Variants in XKR9 observed in about 807,000 individuals in gnomAD.
XKR9 encodes the protein XK-related protein 9.
A neutral mutation model predicts 32.0 loss-of-function variants in XKR9; 32 were observed. The ratio of observed to expected loss-of-function variants is 1.00; its 90% CI spans 0.76 to 1.34. The LOEUF (loss-of-function observed/expected upper bound fraction) is 1.34. Among genes scored for constraint, XKR9 ranks in the 40% most tolerant of loss-of-function variants. XKR9 has a pLI of 0.00. For missense variants in XKR9, 546 were observed against 429.7 expected (o/e 1.27, Z -2.39); for synonymous variants, 168 against 143.4 (o/e 1.17, Z -1.22).
At chr8:70,973,381 A>G in the XKR9 span, among the ~76,000 whole-genome samples, 2 of 152,010 alleles carry the variant, frequency 1.3e-5, no homozygotes, top group South Asian at 2.1e-4. Context: ...CTAGTGCTCT[A>G]TCAATTTTAT....
At chr8:70,828,552 C>T in the XKR9 span, among the ~76,000 whole-genome samples, 3 of 151,726 alleles carry the variant, frequency 2.0e-5, no homozygotes, top group Non-Finnish European at 2.9e-5. Flanking sequence ...GGTGAAACCC[C>T]GTCTCTACTA....
At chr8:70,844,032 C>T in the XKR9 span, among the ~76,000 whole-genome samples, 5 of 152,228 alleles carry the variant, frequency 3.3e-5, no homozygotes, top group African/African-American at 1.2e-4. Context: ...CTAGTACAAA[C>T]TTGTCTGTGC....
At chr8:70,967,734 T>G in the XKR9 span, among the ~76,000 whole-genome samples, 1 of 152,128 alleles carries the variant, frequency 6.6e-6, no homozygotes, top group Non-Finnish European at 1.5e-5. Flanking sequence ...GTTGCAATTT[T>G]TTTTTTTTAA....
chr8:70,805,459 G>T, the XKR9 span, among the ~76,000 whole-genome samples: 1 of 152,232 alleles, frequency 6.6e-6, no homozygotes, highest in Non-Finnish European at 1.5e-5. Flanking sequence ...CTCCTTGGGG[G>T]AAGGGCAGAA....
chr8:70,926,710 C>T, the XKR9 span, among the ~76,000 whole-genome samples: 1 of 152,130 alleles, frequency 6.6e-6, no homozygotes, highest in African/African-American at 2.4e-5. Context: ...ATTTTCTCCT[C>T]TTTGGTATGG....
intron 4 of XKR9, among the ~76,000 whole-genome samples, chr8:70,730,676 C>T (rs1456358707): frequency 6.6e-6 from 1 of 151,886 alleles, no homozygotes; most frequent in Non-Finnish European, 1.5e-5. Flanking sequence ...GGGAAGAAAA[C>T]CTTAATCTGT....
chr8:70,912,333 GAGA>G, the XKR9 span, among the ~76,000 whole-genome samples: 1 of 152,180 alleles, frequency 6.6e-6, no homozygotes, highest in South Asian at 2.1e-4. Context: ...CAGAAGATGG[GAGA>G]AGAACTGTAG....
rs191670652 is a variant in XKR9, at chr8:70,789,271, G to A, written n.353-68G>A. On this transcript the variant is annotated intron_variant and non_coding_transcript_variant, in intron 2 of 3. Coordinates refer to the XKR9 transcript ENST00000520273. ...TTCAATTCTTTAGAATTAAGGCCTA[G>A]GAGACCACGAAGAATATGTTAGAAA... 4.3e-4 allele frequency: 66 copies of A among 152,070 alleles called. 1 individual carries two copies. Among genetic ancestry groups the A allele is most frequent in the African/African-American group, 1.4e-3 (59 of 41,532 alleles). 9.4% of individuals were successfully genotyped at this position (152,070 alleles called of 1,614,324 possible).
At chr8:70,800,039 A>G in the XKR9 span, among the ~76,000 whole-genome samples, 2 of 152,182 alleles carry the variant, frequency 1.3e-5, no homozygotes, top group South Asian at 4.1e-4. Flanking sequence ...TGTTCCCTCA[A>G]TACCTAATTT....
chr8:70,910,053 A>G, the XKR9 span, among the ~76,000 whole-genome samples: 2 of 151,888 alleles, frequency 1.3e-5, no homozygotes, highest in African/African-American at 2.4e-5. Flanking sequence ...TTTGATGTAT[A>G]GTAGGTGCTC....
At chr8:70,921,971 G>A in the XKR9 span, among the ~76,000 whole-genome samples, 1 of 152,172 alleles carries the variant, frequency 6.6e-6, no homozygotes, top group Non-Finnish European at 1.5e-5. Flanking sequence ...TCTGGAAAAT[G>A]AAGTGACTTT....
chr8:71,054,827 C>CA, the XKR9 span, among the ~76,000 whole-genome samples: 16 of 152,048 alleles, frequency 1.1e-4, no homozygotes, highest in Admixed American at 1.0e-3. Context: ...AGCAACTCTG[C>CA]GCAGGTGTTG....
At chr8:71,005,745 T>C in the XKR9 span, among the ~76,000 whole-genome samples, 2 of 152,198 alleles carry the variant, frequency 1.3e-5, no homozygotes, top group Non-Finnish European at 2.9e-5. Context: ...ATCCTCATTG[T>C]ATGAGTCCAG....
the XKR9 span, among the ~76,000 whole-genome samples, chr8:70,907,970 A>T: frequency 6.6e-6 from 1 of 152,208 alleles, no homozygotes; most frequent in Non-Finnish European, 1.5e-5. Flanking sequence ...TTGTTTTTTC[A>T]TGACAATTGT....
At chr8:70,858,339 C>A in the XKR9 span, among the ~76,000 whole-genome samples, 1 of 151,988 alleles carries the variant, frequency 6.6e-6, no homozygotes, top group Non-Finnish European at 1.5e-5. Context: ...AACAGAGAGC[C>A]AAATCATGAG....
intron 4 of XKR9, among the ~76,000 whole-genome samples, chr8:70,723,746 T>G (rs756359291): frequency 1.1e-4 from 17 of 152,110 alleles, no homozygotes; most frequent in Non-Finnish European, 1.5e-4. Context: ...ATGAGGTGTC[T>G]GTCAACCCCT....
the XKR9 span, among the ~76,000 whole-genome samples, chr8:70,955,493 A>C: frequency 6.6e-6 from 1 of 152,242 alleles, no homozygotes; most frequent in Non-Finnish European, 1.5e-5. Context: ...GAATCAGTTT[A>C]GGGCAGGGAA....
chr8:70,946,236 G>T, the XKR9 span, among the ~76,000 whole-genome samples: 1 of 152,160 alleles, frequency 6.6e-6, no homozygotes, highest in Non-Finnish European at 1.5e-5. Flanking sequence ...AACTGTGCAT[G>T]CAGCAGACAC....
At chr8:70,877,008 A>T in the XKR9 span, among the ~76,000 whole-genome samples, 1 of 152,158 alleles carries the variant, frequency 6.6e-6, no homozygotes. Flanking sequence ...CCAGGAAGAA[A>T]TACCCAAGAC....
Sources: allele counts gnomAD v4.1 joint callset (sites outside exome capture counted in the v4.1 genomes callset), GRCh38; gene constraint gnomAD v4.1.1; transcripts MANE v1.5; gene names NCBI Gene and HGNC (gene_info 2026-07-23, HGNC 2026-07-21).